KIF3B: variants seen among roughly 807,000 people sequenced by gnomAD.
KIF3B encodes kinesin family member 3B, also known as kinesin-like protein KIF3B.
KIF3B carries 38 observed loss-of-function variants against 74.3 expected under a neutral mutation model. That is an observed-to-expected ratio of 0.51 (90% CI 0.39 to 0.67). KIF3B has a LOEUF of 0.67. KIF3B is among the 30% of genes least tolerant of loss of function. KIF3B has a pLI of 0.00. For synonymous variants in KIF3B, 326 were observed against 342.5 expected (o/e 0.95, Z 0.53); for missense variants, 649 against 932.0 (o/e 0.70, Z 3.95).
chr20:32,300,091 G>C (rs985290770), intron 1 of KIF3B, among the ~76,000 whole-genome samples: 44 of 150,020 alleles, frequency 2.9e-4, no homozygotes, highest in Middle Eastern at 3.4e-3. Context: ...GTTTTGTTTT[G>C]TTTTGTTTTG....
intron 1 of KIF3B, among the ~76,000 whole-genome samples, chr20:32,285,988 T>C (rs1285438300): frequency 6.6e-6 from 1 of 152,244 alleles, no homozygotes; most frequent in African/African-American, 2.4e-5. Context: ...CAGGAAGATC[T>C]ATCTTTAGCA....
chr20:32,322,713 TA>T (rs1473534035), intron 5 of KIF3B, among the ~76,000 whole-genome samples: 1 of 77,056 alleles, frequency 1.3e-5, no homozygotes, highest in African/African-American at 5.6e-5. Context: ...TATATTTATA[TA>T]TATTTATATT....
At chr20:32,300,974 C>T (rs114104835) in intron 1 of KIF3B, among the ~76,000 whole-genome samples, 1 of 151,450 alleles carries the variant, frequency 6.6e-6, no homozygotes, top group South Asian at 2.1e-4. Flanking sequence ...GTGATCCTCT[C>T]GCCTCAATCT....
In KIF3B at chr20:32,310,162, C is replaced by T; in HGVS notation, c.385C>T (p.His129Tyr). Reference protein sequence around the residue: ...IPNSFDHIFTHISRSQNQQYL... With the variant: ...IPNSFDHIFTYISRSQNQQYL... ...TAACTCATTTGACCATATCTTCACC[C>T]ACATCTCTCGATCCCAGAATCAACA... is the stretch of plus-strand genomic sequence containing the variant. Residue 129 changes from histidine (H) to tyrosine (Y), a missense_variant, in exon 2 of 9, where the codon CAC (histidine) becomes TAC (tyrosine). His to Tyr is a moderately conservative substitution (Grantham distance 83, BLOSUM62 2). Transcript: ENST00000375712. This position sits in a 1 kb window ranked among gnomAD's most constrained non-coding sequence, Gnocchi z 6.5. 6.2e-7 allele frequency: 1 copy of T among 1,613,254 alleles called. No individual in the cohort carries two copies.
intron 1 of KIF3B, among the ~76,000 whole-genome samples, chr20:32,282,041 G>A (rs1412732853): frequency 1.3e-5 from 2 of 152,176 alleles, no homozygotes; most frequent in African/African-American, 4.8e-5. Flanking sequence ...AAAAGCTGTG[G>A]AAATCATTGG....
In KIF3B at chr20:32,333,516, C is replaced by A. The variant is rs1463163102; in HGVS notation, c.*2197C>A. The A allele has an allele frequency of 6.6e-6, 1 of 151,242 alleles. No homozygotes were observed. Among genetic ancestry groups the A allele is most frequent in the African/African-American group, 2.4e-5 (1 of 41,010 alleles). The allele number at this position is 151,242 out of a possible 1,614,324, so 9.4% of individuals were successfully genotyped here. On this transcript the variant is annotated 3_prime_UTR_variant, in exon 9 of 9. Coordinates refer to ENST00000375712, the MANE Select transcript of KIF3B (RefSeq NM_004798.4). The stretch of plus-strand genomic sequence containing the variant: ...GGTGTGGTGGTGCATGCCTCTAGTC[C>A]TAGCTACTCGGGAGGCTGAGGCACG...
intron 1 of KIF3B, among the ~76,000 whole-genome samples, chr20:32,298,735 C>T (rs939420285): frequency 4.0e-5 from 6 of 149,334 alleles, no homozygotes; most frequent in Admixed American, 2.7e-4. Context: ...GTGGTACAAT[C>T]GTGACTGACT....
In KIF3B at chr20:32,333,632, CAAAAAAAAAAA is replaced by C. The variant is rs71187110; in HGVS notation, c.*2329_*2339del. On this transcript the variant is annotated 3_prime_UTR_variant, in exon 9 of 9. Coordinates refer to ENST00000375712, the MANE Select transcript of KIF3B (RefSeq NM_004798.4). ...TGGGTGACAGAGTGAGACTCCCCCTCAAAAAAAAAAAAAAAAAAAAAAAAAACAGAAAGAAA... is the reference window on the plus strand; with the variant it reads ...TGGGTGACAGAGTGAGACTCCCCCTCAAAAAAAAAAAAAAACAGAAAGAAA... 1.8e-4 allele frequency: 6 copies of C among 33,802 alleles called. No individual in the cohort carries two copies. The highest frequency in any genetic ancestry group is 3.0e-4 in the Non-Finnish European group (5 of 16,812). 2.1% of individuals were successfully genotyped at this position (33,802 alleles called of 1,614,324 possible).
chr20:32,296,460 T>C (rs1235739588), intron 1 of KIF3B, among the ~76,000 whole-genome samples: 2 of 151,934 alleles, frequency 1.3e-5, no homozygotes, highest in Non-Finnish European at 2.9e-5. Flanking sequence ...ATTAGCTCGG[T>C]GTGATGGTGG....
At chr20:32,327,021 A>G (rs1349591826) in intron 6 of KIF3B, 137 bp downstream of exon 6, 3 of 559,908 alleles carry the variant, frequency 5.4e-6, no homozygotes, top group Non-Finnish European at 9.5e-6. Context: ...CCACTGCATT[A>G]CTGATTTTCT....
At chr20:32,327,492 T>C in intron 6 of KIF3B, 64 bp from the exon 7 acceptor site, 2 of 1,338,586 alleles carry the variant, frequency 1.5e-6, no homozygotes, top group Non-Finnish European at 2.1e-6. Context: ...GTTCTGTCAG[T>C]GTCTTCCGAG....
Position 32,287,872 on chromosome 20 carries a change from C to CTTTTT in KIF3B, c.-66+10131_-66+10135dup, listed in dbSNP as rs10699896. Reference sequence around the variant, plus strand: ...CCTTCTTAGGATCCTCTAAAAGTATCTTTTTTTTTTTTTTTTTTTTTTTTT... The same window carrying CTTTTT: ...CCTTCTTAGGATCCTCTAAAAGTATCTTTTTTTTTTTTTTTTTTTTTTTTTTTTTT... On this transcript the variant is annotated intron_variant, in intron 1 of 8. Coordinates refer to ENST00000375712, the MANE Select transcript of KIF3B (RefSeq NM_004798.4). Among the ~76,000 whole-genome samples the CTTTTT allele has an allele frequency of 1.7e-4, 8 of 47,494 alleles. 3 individuals are homozygous for CTTTTT. Among genetic ancestry groups the CTTTTT allele is most frequent in the African/African-American group, 6.1e-4 (7 of 11,526 alleles). 31.2% of individuals were successfully genotyped at this position (47,494 alleles called of 152,430 possible).
chr20:32,307,980 A>T (rs1316803943), intron 1 of KIF3B, among the ~76,000 whole-genome samples: 1 of 151,426 alleles, frequency 6.6e-6, no homozygotes, highest in Non-Finnish European at 1.5e-5. Flanking sequence ...CACGCCTATA[A>T]TCCTAGCACT....
intron 1 of KIF3B, among the ~76,000 whole-genome samples, chr20:32,284,184 C>T (rs1022409527): frequency 2.7e-5 from 4 of 150,596 alleles, no homozygotes; most frequent in Non-Finnish European, 5.9e-5. Flanking sequence ...AGCAATCTTC[C>T]TGCCTCAGCC....
At chr20:32,319,103 G>A (rs1455951118) in intron 5 of KIF3B, among the ~76,000 whole-genome samples, 1 of 151,754 alleles carries the variant, frequency 6.6e-6, no homozygotes, top group East Asian at 1.9e-4. Flanking sequence ...TGGGACTATA[G>A]CGGCATGCCA....
In KIF3B at chr20:32,334,533, C is replaced by T. The variant is rs146278650; in HGVS notation, c.*3214C>T. ...TGGATATCAGTTCTGCCTCACATTT[C>T]CCACTTGAGGTTGAGGCGTACTGGA... On this transcript the variant is annotated 3_prime_UTR_variant, in exon 9 of 9. Transcript: ENST00000375712. The T allele has an allele frequency of 3.0e-3, 457 of 152,694 alleles. No homozygotes were observed. The highest frequency in any genetic ancestry group is 4.8e-3 in the Non-Finnish European group (326 of 68,036). 9.5% of individuals were successfully genotyped at this position (152,694 alleles called of 1,614,324 possible). A position where few individuals can be genotyped will look rare whatever the true frequency, so the allele number is the denominator to read the frequency against.
At chr20:32,313,360 C>T (rs553763284) in intron 2 of KIF3B, among the ~76,000 whole-genome samples, 20 of 152,288 alleles carry the variant, frequency 1.3e-4, no homozygotes, top group African/African-American at 4.8e-4. Context: ...TGATTTCTAT[C>T]CTAAAATGTC....
Position 32,279,265 on chromosome 20 carries a change from G to C in KIF3B, c.-66+1500G>C, listed in dbSNP as rs73108541. On this transcript the variant is annotated intron_variant, in intron 1 of 8. Transcript: ENST00000375712. ...TATCTATTAAGTGATGGAAGTGGAC[G>C]TGTTTCTAGGTAAATCCTGTATTTT... 5.7e-3 allele frequency among the ~76,000 whole-genome samples: 870 copies of C among 152,082 alleles called. 4 individuals carry two copies. The highest frequency in any genetic ancestry group is 9.6e-3 in the Non-Finnish European group (652 of 67,986).
intron 5 of KIF3B, among the ~76,000 whole-genome samples, chr20:32,318,810 ATG>A (rs1416984099): frequency 2.0e-5 from 3 of 151,962 alleles, no homozygotes; most frequent in African/African-American, 7.3e-5. Flanking sequence ...TTTTGTATGG[ATG>A]TGTGTTTTCA....
Sources: allele counts gnomAD v4.1 joint callset (sites outside exome capture counted in the v4.1 genomes callset), GRCh38; gene constraint gnomAD v4.1.1; non-coding constraint Gnocchi (gnomAD v3.1); transcripts MANE v1.5; gene names NCBI Gene and HGNC (gene_info 2026-07-23, HGNC 2026-07-21).